The following PPP1R13B variants were observed in gnomAD, a reference collection of about 807,000 sequenced individuals.
PPP1R13B encodes the protein protein phosphatase 1 regulatory subunit 13B.
Under a neutral mutation model 119.8 loss-of-function variants are expected in PPP1R13B, and 44 were observed. The ratio of observed to expected loss-of-function variants is 0.37; its 90% CI spans 0.29 to 0.47. PPP1R13B has a LOEUF of 0.47. PPP1R13B is among the 20% of genes least tolerant of loss of function. The pLI, the probability that PPP1R13B is intolerant of heterozygous loss-of-function variation, is 0.99. For missense variants in PPP1R13B, 1,227 were observed against 1,413.5 expected, an observed-to-expected ratio of 0.87 and a Z score of 2.12; for synonymous variants, 542 against 561.5, an observed-to-expected ratio of 0.97 and a Z score of 0.49.
intron 1 of PPP1R13B, among the ~76,000 whole-genome samples, chr14:103,825,875 C>A (rs1199192986): frequency 6.7e-6 from 1 of 149,240 alleles, no homozygotes. Context: ...GAGAGAGTCT[C>A]GCTCTATCGC....
intron 1 of PPP1R13B, among the ~76,000 whole-genome samples, chr14:103,813,094 T>C (rs1442581614): frequency 1.3e-5 from 2 of 152,222 alleles, no homozygotes; most frequent in African/African-American, 2.4e-5. Context: ...GACAAAAACC[T>C]GCATGTGAAT....
At chr14:103,787,890 T>C (rs778210748) in intron 2 of PPP1R13B, among the ~76,000 whole-genome samples, 1 of 151,976 alleles carries the variant, frequency 6.6e-6, no homozygotes, top group Non-Finnish European at 1.5e-5. Flanking sequence ...GACCTTGTGG[T>C]CCGCCCACCA....
At chr14:103,819,774 T>G (rs940819936) in intron 1 of PPP1R13B, among the ~76,000 whole-genome samples, 3 of 151,250 alleles carry the variant, frequency 2.0e-5, no homozygotes, top group Middle Eastern at 3.4e-3. Context: ...AAGATCTGGT[T>G]GTTAGGCTAT....
In PPP1R13B at chr14:103,734,740, C is replaced by T. The variant is rs2084047352; in HGVS notation, c.*414G>A. The stretch of plus-strand genomic sequence containing the variant: ...GAGTGTCCGATTCGGTGACGGGGGG[C>T]AGGGCGGTCGCAGGGGAGCAGGCCT... On this transcript the variant is annotated 3_prime_UTR_variant, in exon 17 of 17. Coordinates refer to ENST00000202556, the MANE Select transcript of PPP1R13B (RefSeq NM_015316.3). 4 of 462,056 alleles carry T rather than the reference C, an allele frequency of 8.7e-6. No homozygotes were observed. The highest frequency in any genetic ancestry group is 1.7e-5 in the Non-Finnish European group (4 of 230,572). The allele number at this position is 462,056 out of a possible 1,614,324, so 28.6% of individuals were successfully genotyped here. A position where few individuals can be genotyped will look rare whatever the true frequency, so the allele number is the denominator to read the frequency against.
At chr14:103,760,551 G>A (rs984471168) in intron 4 of PPP1R13B, among the ~76,000 whole-genome samples, 3 of 152,070 alleles carry the variant, frequency 2.0e-5, no homozygotes, top group Admixed American at 6.6e-5. Flanking sequence ...CTACAAATAC[G>A]GGACCCCCAA....
In PPP1R13B at chr14:103,815,254, A is replaced by C. The variant is rs138766724; in HGVS notation, c.10-17736T>G. On this transcript the variant is annotated intron_variant, in intron 1 of 16. Coordinates refer to ENST00000202556, the MANE Select transcript of PPP1R13B (RefSeq NM_015316.3). ...GCAAATCCACGGAGAGATAAAGTAG[A>C]TTAGTCGTTGGTAGGAGCTGGGAGG... 3.6e-3 allele frequency among the ~76,000 whole-genome samples: 554 copies of C among 152,314 alleles called. 5 individuals are homozygous for C. Among genetic ancestry groups the C allele is most frequent in the African/African-American group, 0.013 (537 of 41,566 alleles).
chr14:103,749,863 G>C lies in PPP1R13B; in HGVS notation c.900C>G (p.Asn300Lys). The change falls in exon 8 of 17, where the codon AAC (asparagine) becomes AAG (lysine). Residue 300 changes from asparagine (N) to lysine (K), a missense_variant. Asn to Lys is a moderately conservative substitution (Grantham distance 94). Coordinates refer to ENST00000202556, the MANE Select transcript of PPP1R13B (RefSeq NM_015316.3). ...QQQKELLNKR[N>K]MEVAMMDKRI... The stretch of plus-strand genomic sequence containing the variant: ...GCTTGTCCATCATGGCCACCTCCAT[G>C]TTGCGCTTATTTAAGAGTTCCTTCT... 1 of 1,614,138 alleles carries C rather than the reference G, an allele frequency of 6.2e-7. No homozygotes were observed. Among genetic ancestry groups the C allele is most frequent in the Non-Finnish European group, 8.5e-7 (1 of 1,180,022 alleles).
chr14:103,782,797 T>C (rs1284129276), intron 3 of PPP1R13B, among the ~76,000 whole-genome samples: 1 of 152,142 alleles, frequency 6.6e-6, no homozygotes, highest in Non-Finnish European at 1.5e-5. Context: ...TTTTTTCTAT[T>C]ATTCTACTAA....
At chr14:103,843,890 T>C (rs1347399328) in intron 1 of PPP1R13B, among the ~76,000 whole-genome samples, 1 of 151,110 alleles carries the variant, frequency 6.6e-6, no homozygotes, top group Non-Finnish European at 1.5e-5. Flanking sequence ...GAGGCAGAGG[T>C]TGCAGTGAGC....
intron 4 of PPP1R13B, among the ~76,000 whole-genome samples, chr14:103,760,685 C>T (rs1328714569): frequency 2.0e-5 from 3 of 151,676 alleles, no homozygotes; most frequent in Admixed American, 6.6e-5. Context: ...CTCTGGGTTC[C>T]AGGAACACTG....
At chr14:103,758,492 A>G (rs1206623475) in intron 4 of PPP1R13B, among the ~76,000 whole-genome samples, 1 of 152,222 alleles carries the variant, frequency 6.6e-6, no homozygotes, top group African/African-American at 2.4e-5. Flanking sequence ...TATGTTCTCG[A>G]CTGTTCCTCA....
chr14:103,821,213 G>C lies in PPP1R13B; in HGVS notation c.10-23695C>G, dbSNP rs529361989. 5.8e-4 allele frequency among the ~76,000 whole-genome samples: 89 copies of C among 152,310 alleles called. 1 individual carries two copies. Among genetic ancestry groups the C allele is most frequent in the South Asian group, 1.2e-3 (6 of 4,828 alleles). ...ATCCCTGCATGACACATCCTTGTCA[G>C]TATTCAGTTACCTTGTTCACTGAAT... On this transcript the variant is annotated intron_variant, in intron 1 of 16. Coordinates refer to ENST00000202556, the MANE Select transcript of PPP1R13B (RefSeq NM_015316.3).
intron 1 of PPP1R13B, among the ~76,000 whole-genome samples, chr14:103,803,200 C>T (rs997315904): frequency 5.9e-5 from 9 of 152,064 alleles, no homozygotes; most frequent in African/African-American, 1.9e-4. Flanking sequence ...GTACACCTCA[C>T]GATGGCATGA....
At chr14:103,806,248 A>G (rs2086015351) in intron 1 of PPP1R13B, among the ~76,000 whole-genome samples, 2 of 152,112 alleles carry the variant, frequency 1.3e-5, no homozygotes. Flanking sequence ...TATGAAACAC[A>G]TATTTGCAGG....
intron 4 of PPP1R13B, among the ~76,000 whole-genome samples, chr14:103,762,115 T>G (rs1321023869): frequency 6.6e-6 from 1 of 152,208 alleles, no homozygotes; most frequent in Non-Finnish European, 1.5e-5. Context: ...ATTTTTATTA[T>G]AAGTTCAGTC....
At chr14:103,754,646 A>G (rs2084631989) in intron 5 of PPP1R13B, among the ~76,000 whole-genome samples, 1 of 151,908 alleles carries the variant, frequency 6.6e-6, no homozygotes. Context: ...ATTCTACAGT[A>G]TCACTCATCT....
At chr14:103,792,969 G>A (rs2085660684) in intron 2 of PPP1R13B, among the ~76,000 whole-genome samples, 2 of 151,998 alleles carry the variant, frequency 1.3e-5, no homozygotes, top group Middle Eastern at 3.4e-3. Flanking sequence ...TACTCAGGGA[G>A]GCTGAGGCAG....
In PPP1R13B at chr14:103,765,986, TTTATTA is replaced by T. The variant is rs56171368; in HGVS notation, c.355-8241_355-8236del. Reference sequence around the variant, plus strand: ...AAAAACTCTCGGAGGAAATTTTTATTTTATTATTATTATTATTATTATTATTATTAT... The same window carrying T: ...AAAAACTCTCGGAGGAAATTTTTATTTTATTATTATTATTATTATTATTAT... On this transcript the variant is annotated intron_variant, in intron 4 of 16. Transcript: ENST00000202556. Among the ~76,000 whole-genome samples the T allele has an allele frequency of 2.4e-3, 336 of 139,058 alleles. 2 individuals carry two copies. Among genetic ancestry groups the T allele is most frequent in the South Asian group, 5.4e-3 (24 of 4,418 alleles). 91.2% of individuals were successfully genotyped at this position (139,058 alleles called of 152,430 possible). A position where few individuals can be genotyped will look rare whatever the true frequency, so the allele number is the denominator to read the frequency against.
intron 16 of PPP1R13B, 75 bp downstream of exon 16, chr14:103,735,928 C>T (rs1276212234): frequency 1.3e-5 from 20 of 1,502,352 alleles, no homozygotes; most frequent in South Asian, 9.5e-5. Flanking sequence ...CTCCCCAGCC[C>T]CACAGCAGGA....
Sources: gnomAD v4.1 joint callset for allele counts (sites outside exome capture counted in the v4.1 genomes callset) on GRCh38, gnomAD v4.1.1 for gene constraint, MANE v1.5 for transcripts, NCBI Gene and HGNC (gene_info 2026-07-23, HGNC 2026-07-21) for gene names.